Variants in GRM7 observed in about 807,000 individuals in gnomAD.
GRM7 encodes glutamate metabotropic receptor 7.
In GRM7, 35 loss-of-function variants were observed where a neutral mutation model predicts 84.5. The observed-to-expected ratio is 0.41, with a 90% CI of 0.32 to 0.55. The LOEUF (loss-of-function observed/expected upper bound fraction) is 0.55. Ranked by LOEUF, GRM7 falls within the 20% of genes least tolerant of loss-of-function variation. GRM7 has a pLI of 0.19. For missense variants in GRM7, 1,003 were observed against 1,194.6 expected (o/e 0.84, Z 2.36); for synonymous variants, 487 against 455.1 (o/e 1.07, Z -0.89).
At chr3:7,064,099 C>T (rs1296247315) in intron 1 of GRM7, among the ~76,000 whole-genome samples, 1 of 150,896 alleles carries the variant, frequency 6.6e-6, no homozygotes, top group Non-Finnish European at 1.5e-5. Flanking sequence ...TTTATGTATT[C>T]TTTTCATAAG....
intron 9 of GRM7, among the ~76,000 whole-genome samples, chr3:7,725,610 A>T (rs1415861502): frequency 6.6e-6 from 1 of 152,170 alleles, no homozygotes; most frequent in Non-Finnish European, 1.5e-5. Context: ...GCTTCTACTT[A>T]TCACTGCATC....
At chr3:7,343,846 T>C (rs1051806395) in intron 4 of GRM7, among the ~76,000 whole-genome samples, 1 of 152,148 alleles carries the variant, frequency 6.6e-6, no homozygotes, top group Non-Finnish European at 1.5e-5. Flanking sequence ...TCTACAGTCA[T>C]GCAGTTGCCA....
At chr3:7,552,254 T>A (rs753348905) in intron 7 of GRM7, among the ~76,000 whole-genome samples, 1 of 152,240 alleles carries the variant, frequency 6.6e-6, no homozygotes, top group Non-Finnish European at 1.5e-5. Flanking sequence ...TCTCACAGTC[T>A]TGGGCAGCTC....
At chr3:7,033,237 A>T (rs968256532) in intron 1 of GRM7, among the ~76,000 whole-genome samples, 1 of 149,340 alleles carries the variant, frequency 6.7e-6, no homozygotes. Context: ...TTTAAGGTCC[A>T]CCTTAATCTA....
At chr3:7,694,133 C>T (rs1335890958) in intron 9 of GRM7, among the ~76,000 whole-genome samples, 1 of 152,082 alleles carries the variant, frequency 6.6e-6, no homozygotes, top group Non-Finnish European at 1.5e-5. Flanking sequence ...GTAGGTGAAA[C>T]TTTATCATTA....
intron 1 of GRM7, among the ~76,000 whole-genome samples, chr3:7,103,821 TCTCTCTCTGTCTCTCTCTCCCTCTCTCTC>T (rs1699204875): frequency 2.3e-5 from 3 of 131,706 alleles, no homozygotes; most frequent in African/African-American, 1.1e-4. Context: ...TTTCTTTCTC[TCTCTCTCTGTCTCTCTCTCCCTCTCTCTC>T]TCTCTCTTTC....
intron 5 of GRM7, chr3:7,451,824 A>G (rs1697780967): frequency 6.6e-6 from 1 of 152,230 alleles, no homozygotes; most frequent in Admixed American, 6.6e-5. Flanking sequence ...AAAATGGTAA[A>G]TATCTACTGT....
intron 9 of GRM7, among the ~76,000 whole-genome samples, chr3:7,703,322 C>CTA (rs1232008432): frequency 6.6e-6 from 1 of 152,048 alleles, no homozygotes; most frequent in Middle Eastern, 3.2e-3. Context: ...TTTAACAACC[C>CTA]CCCCAAGTAA....
chr3:7,352,057 C>CCCCACACA (rs1553565352), intron 4 of GRM7, among the ~76,000 whole-genome samples: 2 of 136,894 alleles, frequency 1.5e-5, no homozygotes, highest in Admixed American at 7.4e-5. Flanking sequence ...CACACACACA[C>CCCCACACA]CACACACACA....
At chr3:7,189,827 T>C (rs1695648979) in intron 2 of GRM7, among the ~76,000 whole-genome samples, 1 of 152,150 alleles carries the variant, frequency 6.6e-6, no homozygotes, top group Non-Finnish European at 1.5e-5. Flanking sequence ...ATCATAGAGA[T>C]GTCACATTGC....
intron 7 of GRM7, among the ~76,000 whole-genome samples, chr3:7,484,079 A>G (rs1699233331): frequency 6.6e-6 from 1 of 152,214 alleles, no homozygotes; most frequent in Non-Finnish European, 1.5e-5. Context: ...GTTTATTTCC[A>G]GAATAGTTTT....
intron 1 of GRM7, among the ~76,000 whole-genome samples, chr3:6,949,733 T>A (rs1426037882): frequency 1.3e-5 from 2 of 152,168 alleles, no homozygotes; most frequent in Non-Finnish European, 1.5e-5. Context: ...AGTCCCATAT[T>A]TCTTGGAGGC....
chr3:7,276,753 TTC>T (rs1057215598), intron 2 of GRM7, among the ~76,000 whole-genome samples: 8 of 19,806 alleles, frequency 4.0e-4, no homozygotes, highest in African/African-American at 9.8e-4. Flanking sequence ...TTCTGTTTCT[TTC>T]TCTCTTTCTC....
At chr3:7,334,413 TTAAAA>T (rs1701323510) in intron 4 of GRM7, among the ~76,000 whole-genome samples, 1 of 151,864 alleles carries the variant, frequency 6.6e-6, no homozygotes, top group African/African-American at 2.4e-5. Context: ...GTTCTAAATC[TTAAAA>T]TAAAACCTGA....
intron 2 of GRM7, 92 bp downstream of exon 2, chr3:7,146,760 A>G (rs968632179): frequency 1.2e-6 from 1 of 818,248 alleles, no homozygotes; most frequent in Non-Finnish European, 2.0e-6. Flanking sequence ...AACACTACAG[A>G]CTCTTACATT....
At position 7,355,247 on chromosome 3, in the gene GRM7, C is replaced by T. The variant is rs535932276; in HGVS notation, c.1033+48595C>T. Among the ~76,000 whole-genome samples, 51 of 152,170 alleles carry T rather than the reference C, an allele frequency of 3.4e-4. 1 individual carries two copies. The South Asian group carries it at 6.8e-3, about 20-fold the overall frequency. On this transcript the variant is annotated intron_variant, in intron 4 of 9. Coordinates refer to ENST00000357716, the MANE Select transcript of GRM7 (RefSeq NM_000844.4). The stretch of plus-strand genomic sequence containing the variant: ...CAAGGAAGAGGCACAATGCCTAGTA[C>T]GACTATTTGGATTTTGGAGGAGACA...
chr3:7,205,376 G>T (rs1383063431), intron 2 of GRM7, among the ~76,000 whole-genome samples: 2 of 152,196 alleles, frequency 1.3e-5, no homozygotes, highest in South Asian at 2.1e-4. Context: ...CCATGAAATT[G>T]TTTATTTCAA....
At chr3:7,232,420 G>A (rs1035773760) in intron 2 of GRM7, among the ~76,000 whole-genome samples, 1 of 152,102 alleles carries the variant, frequency 6.6e-6, no homozygotes, top group Non-Finnish European at 1.5e-5. Context: ...GTTCCATTTT[G>A]CCCATCAAAG....
intron 4 of GRM7, among the ~76,000 whole-genome samples, chr3:7,411,360 T>C (rs111951870): frequency 0.021 from 3,145 of 152,208 alleles, 102 homozygotes; most frequent in African/African-American, 0.067. Flanking sequence ...CTATGTAGGG[T>C]TTAAAAATAG....
Sources: allele counts gnomAD v4.1 joint callset (sites outside exome capture counted in the v4.1 genomes callset), GRCh38; gene constraint gnomAD v4.1.1; transcripts MANE v1.5; gene names NCBI Gene and HGNC (gene_info 2026-07-23, HGNC 2026-07-21).